The following LYPD6B variants were observed in gnomAD, a reference collection of about 807,000 sequenced individuals.
LYPD6B encodes the protein LY6/PLAUR domain containing 6B.
A neutral mutation model predicts 22.8 loss-of-function variants in LYPD6B; 17 were observed. The ratio of observed to expected loss-of-function variants is 0.75; its 90% confidence interval spans 0.51 to 1.12. The LOEUF is 1.12. LYPD6B is among the 50% of genes most tolerant of loss of function. LYPD6B has a pLI of 0.00. For synonymous variants in LYPD6B, 106 were observed against 91.6 expected, an observed-to-expected ratio of 1.16 and a Z score of -0.90; for missense variants, 221 against 258.3, an observed-to-expected ratio of 0.86 and a Z score of 0.99.
intron 1 of LYPD6B, among the ~76,000 whole-genome samples, chr2:149,121,516 A>T (rs1283616059): frequency 6.6e-6 from 1 of 152,184 alleles, no homozygotes; most frequent in Non-Finnish European, 1.5e-5. Flanking sequence ...AATGAAGAGG[A>T]TGTCATGAAG....
At position 149,179,020 on chromosome 2, in the gene LYPD6B, T is replaced by G. The variant is rs1033112855; in HGVS notation, c.77+18185T>G. ...TTAGCCAATTTGTAGATTGCCAAGT[T>G]TGGGAGTGGGGAAAGAAAGTCGCAG... On this transcript the variant is annotated intron_variant, in intron 3 of 6. Coordinates refer to ENST00000409642, the MANE Select transcript of LYPD6B (RefSeq NM_177964.5). 2.2e-4 allele frequency among the ~76,000 whole-genome samples: 33 copies of G among 152,312 alleles called. 1 individual carries two copies. The highest frequency in any genetic ancestry group is 7.7e-4 in the African/African-American group (32 of 41,558).
At chr2:149,191,655 AC>A (rs1350756277) in intron 3 of LYPD6B, among the ~76,000 whole-genome samples, 1 of 152,204 alleles carries the variant, frequency 6.6e-6, no homozygotes, top group East Asian at 1.9e-4. Flanking sequence ...TCCAACTCAT[AC>A]TATATAAAAA....
chr2:149,202,197 G>A (rs776740552), intron 3 of LYPD6B, among the ~76,000 whole-genome samples: 4 of 152,130 alleles, frequency 2.6e-5, no homozygotes, highest in African/African-American at 2.4e-5. Context: ...TTACTTGACA[G>A]AGAAAAAGCA....
chr2:149,205,141 C>T, intron 3 of LYPD6B, 112 bp from the exon 4 acceptor site: 3 of 1,114,870 alleles, frequency 2.7e-6, no homozygotes, highest in African/African-American at 1.6e-5. Flanking sequence ...CCCTACACAA[C>T]AGGTAGATGG....
intron 1 of LYPD6B, among the ~76,000 whole-genome samples, chr2:149,124,423 G>A (rs538329481): frequency 2.6e-5 from 4 of 152,306 alleles, no homozygotes; most frequent in South Asian, 4.2e-4. Context: ...TGATAAGTGC[G>A]TGGTCTGTTT....
chr2:149,180,886 C>T (rs866260371), intron 3 of LYPD6B, among the ~76,000 whole-genome samples: 3 of 152,200 alleles, frequency 2.0e-5, no homozygotes, highest in Non-Finnish European at 2.9e-5. Context: ...TTAAAAAGGC[C>T]TCTCAGTGGG....
intron 1 of LYPD6B, among the ~76,000 whole-genome samples, chr2:149,111,875 A>G (rs1686774479): frequency 6.6e-6 from 1 of 152,184 alleles, no homozygotes; most frequent in Non-Finnish European, 1.5e-5. Flanking sequence ...AGGCACGATG[A>G]GATCCAAGAC....
chr2:149,145,156 C>G (rs1159877412), intron 2 of LYPD6B, among the ~76,000 whole-genome samples: 1 of 152,134 alleles, frequency 6.6e-6, no homozygotes. Context: ...ATCAGTACCA[C>G]TGATGGTGGG....
intron 2 of LYPD6B, among the ~76,000 whole-genome samples, chr2:149,147,360 AG>A (rs1258447133): frequency 6.6e-6 from 1 of 152,232 alleles, no homozygotes; most frequent in Non-Finnish European, 1.5e-5. Flanking sequence ...GTATCTCTGA[AG>A]GACAGGCTTT....
intron 3 of LYPD6B, among the ~76,000 whole-genome samples, chr2:149,170,116 G>T (rs1690720666): frequency 6.6e-6 from 1 of 152,154 alleles, no homozygotes; most frequent in Admixed American, 6.5e-5. Context: ...TGCCAAAAGT[G>T]GCCATCTTAA....
At chr2:149,078,804 C>T (rs951101742) in intron 1 of LYPD6B, among the ~76,000 whole-genome samples, 3 of 151,964 alleles carry the variant, frequency 2.0e-5, no homozygotes, top group Non-Finnish European at 4.4e-5. Context: ...CCCTGGAGTT[C>T]GAGAGCAGCC....
intron 3 of LYPD6B, among the ~76,000 whole-genome samples, chr2:149,190,491 T>C (rs191293977): frequency 3.3e-4 from 50 of 152,336 alleles, no homozygotes; most frequent in African/African-American, 1.2e-3. Context: ...AATAATGTTG[T>C]CAAATTGCTC....
chr2:149,105,067 A>C (rs1251771640), intron 1 of LYPD6B, among the ~76,000 whole-genome samples: 1 of 152,186 alleles, frequency 6.6e-6, no homozygotes, highest in Non-Finnish European at 1.5e-5. Flanking sequence ...CTTTTTGTGA[A>C]TATACATCCA....
intron 1 of LYPD6B, among the ~76,000 whole-genome samples, chr2:149,091,350 T>C (rs1452362216): frequency 6.6e-6 from 1 of 150,520 alleles, no homozygotes; most frequent in Non-Finnish European, 1.5e-5. Flanking sequence ...TGAAAGAGAT[T>C]ATATATAAAG....
chr2:149,130,660 A>G (rs955589128), intron 1 of LYPD6B, among the ~76,000 whole-genome samples: 3 of 152,178 alleles, frequency 2.0e-5, no homozygotes, highest in Non-Finnish European at 2.9e-5. Flanking sequence ...ATGTGTATCC[A>G]TTCCATCTAT....
chr2:149,044,506 C>T (rs1229874593), intron 1 of LYPD6B, among the ~76,000 whole-genome samples: 1 of 152,094 alleles, frequency 6.6e-6, no homozygotes, highest in Non-Finnish European at 1.5e-5. Context: ...GAATTTTCTA[C>T]ATAGACAATC....
rs79636972 is a variant in LYPD6B at position 149,124,535 on chromosome 2, T to A, written c.-66-6348T>A. On this transcript the variant is annotated intron_variant, in intron 1 of 6. Transcript: ENST00000409642. The stretch of plus-strand genomic sequence containing the variant: ...AGCTCAGCATTCTCAACTAGGGTTG[T>A]CCTCAGCAACCCACGAGAGTAGCAT... 3.7e-3 allele frequency among the ~76,000 whole-genome samples: 560 copies of A among 152,234 alleles called. 1 individual carries two copies. The highest frequency in any genetic ancestry group is 0.012 in the African/African-American group (486 of 41,542).
At chr2:149,212,220 CAA>C (rs933016289) in intron 5 of LYPD6B, among the ~76,000 whole-genome samples, 1 of 139,832 alleles carries the variant, frequency 7.2e-6, no homozygotes. Context: ...TACTAAAAAT[CAA>C]AAAAAAAAAA....
intron 3 of LYPD6B, among the ~76,000 whole-genome samples, chr2:149,195,911 G>C (rs1692777876): frequency 6.6e-6 from 1 of 152,188 alleles, no homozygotes; most frequent in Non-Finnish European, 1.5e-5. Context: ...TGATCAGCTA[G>C]AGGCAGTAGA....
Sources: allele counts gnomAD v4.1 joint callset (sites outside exome capture counted in the v4.1 genomes callset), GRCh38; gene constraint gnomAD v4.1.1; transcripts MANE v1.5; gene names NCBI Gene and HGNC (gene_info 2026-07-23, HGNC 2026-07-21).